The following LDHAL6A variants were observed in gnomAD, a reference collection of about 807,000 sequenced individuals.
LDHAL6A encodes the protein L-lactate dehydrogenase A-like 6A.
Under a neutral mutation model 28.2 loss-of-function variants are expected in LDHAL6A, and 19 were observed. The observed-to-expected ratio is 0.67, with a 90% CI of 0.47 to 0.99. The LOEUF is 0.99. Ranked by LOEUF, LDHAL6A falls within the 50% of genes least tolerant of loss-of-function variation. The pLI is 0.00. For synonymous variants in LDHAL6A, 144 were observed against 134.4 expected, an observed-to-expected ratio of 1.07 and a Z score of -0.49; for missense variants, 372 against 398.6, an observed-to-expected ratio of 0.93 and a Z score of 0.57.
chr11:18,469,869 T>C (rs1392942667), intron 3 of LDHAL6A, among the ~76,000 whole-genome samples: 2 of 152,190 alleles, frequency 1.3e-5, no homozygotes, highest in Non-Finnish European at 2.9e-5. Flanking sequence ...AACTTTAAAT[T>C]AGTATTAAGC....
At position 18,465,740 on chromosome 11, in the gene LDHAL6A, CT is replaced by C. The variant is rs1849054546; in HGVS notation, c.351del (p.Phe117LeufsTer3). On this transcript the variant is annotated frameshift_variant, in exon 3 of 7. Transcript: ENST00000280706. LOFTEE classifies it high-confidence loss of function. ...LDLVQRNVSI[F>X]KLMIPNITQY... The stretch of plus-strand genomic sequence containing the variant: ...ATTTAGTCCAGCGAAATGTATCCAT[CT>C]TTAAATTAATGATTCCCAATATTAC... 1.9e-6 allele frequency: 3 copies of C among 1,613,684 alleles called. No homozygotes were observed. The East Asian group carries it at 6.7e-5, about 36-fold the overall frequency.
chr11:18,469,932 T>A (rs1343864582), intron 3 of LDHAL6A, among the ~76,000 whole-genome samples: 1 of 152,026 alleles, frequency 6.6e-6, no homozygotes, highest in African/African-American at 2.4e-5. Context: ...GAATGATAAT[T>A]TTATTTATTT....
chr11:18,465,851 G>A, intron 3 of LDHAL6A, 41 bp downstream of exon 3: 2 of 1,508,912 alleles, frequency 1.3e-6, no homozygotes, highest in Non-Finnish European at 1.8e-6. Context: ...TTAGATTCGG[G>A]GGTACACTGT....
intron 1 of LDHAL6A, among the ~76,000 whole-genome samples, chr11:18,460,526 G>C (rs981162287): frequency 6.7e-6 from 1 of 150,058 alleles, no homozygotes; most frequent in Non-Finnish European, 1.5e-5. Context: ...CCGGGAGGCA[G>C]AGGTTGCAGT....
chr11:18,464,971 T>C (rs1308832195), intron 2 of LDHAL6A, among the ~76,000 whole-genome samples: 1 of 6,746 alleles, frequency 1.5e-4, no homozygotes. Flanking sequence ...GTGAGGTGTT[T>C]TTTTTGTTTT....
intron 4 of LDHAL6A, among the ~76,000 whole-genome samples, chr11:18,476,056 C>A (rs193022713): frequency 6.6e-6 from 1 of 152,054 alleles, no homozygotes; most frequent in African/African-American, 2.4e-5. Context: ...TTTTGTCCCC[C>A]CTTAGTGTCT....
At position 18,467,926 on chromosome 11, in the gene LDHAL6A, CATATATAT is replaced by C. The variant is rs1292809923; in HGVS notation, c.418+2120_418+2127del. 1.1e-3 allele frequency among the ~76,000 whole-genome samples: 63 copies of C among 55,398 alleles called. 2 individuals carry two copies. In the East Asian group the frequency reaches 0.016, roughly 14 times the overall value. 36.3% of individuals were successfully genotyped at this position (55,398 alleles called of 152,430 possible). A position where few individuals can be genotyped will look rare whatever the true frequency, so the allele number is the denominator to read the frequency against. On this transcript the variant is annotated intron_variant, in intron 3 of 6. Coordinates refer to ENST00000280706, the MANE Select transcript of LDHAL6A (RefSeq NM_144972.5). ...ATATATATATATATATATACACACA[CATATATAT>C]ATACACACACATATATATATACGTA...
chr11:18,476,329 C>A, intron 4 of LDHAL6A, 55 bp from the exon 5 acceptor site: 3 of 1,560,132 alleles, frequency 1.9e-6, no homozygotes, highest in South Asian at 2.4e-5. Context: ...AGGTCAAAAA[C>A]CAAAACCCTG....
chr11:18,458,491 A>G (rs1205382426), intron 1 of LDHAL6A, among the ~76,000 whole-genome samples: 2 of 152,324 alleles, frequency 1.3e-5, no homozygotes, highest in Middle Eastern at 3.4e-3. Flanking sequence ...GTTGCTAACT[A>G]TGGCATTTGT....
In LDHAL6A at chr11:18,465,707, ACG is replaced by A. The variant is rs1431273341; in HGVS notation, c.317_318del (p.Arg106ProfsTer2). On this transcript the variant is annotated frameshift_variant, in exon 3 of 7. Coordinates refer to ENST00000280706, the MANE Select transcript of LDHAL6A (RefSeq NM_144972.5). LOFTEE classifies it high-confidence loss of function. The part of the protein sequence containing the change: ...AGARQKKGET[R>X]LDLVQRNVSI... ...GTGCACGCCAGAAAAAAGGAGAAAC[ACG>A]CCTTGATTTAGTCCAGCGAAATGTA... 2 of 1,613,812 alleles carry A rather than the reference ACG, an allele frequency of 1.2e-6. No individual in the cohort carries two copies. Among genetic ancestry groups the A allele is most frequent in the Non-Finnish European group, 1.7e-6 (2 of 1,179,844 alleles).
intron 1 of LDHAL6A, among the ~76,000 whole-genome samples, chr11:18,460,862 A>G (rs1848883788): frequency 6.6e-6 from 1 of 152,026 alleles, no homozygotes; most frequent in Non-Finnish European, 1.5e-5. Context: ...TCTGAGAGGG[A>G]GTCTCACTCT....
intron 5 of LDHAL6A, among the ~76,000 whole-genome samples, chr11:18,477,225 A>T (rs1849405774): frequency 6.8e-6 from 1 of 148,008 alleles, no homozygotes; most frequent in African/African-American, 2.5e-5. Flanking sequence ...TTGGGAGACC[A>T]GGGTAGGTGG....
At chr11:18,456,882 G>A in intron 1 of LDHAL6A, 76 bp downstream of exon 1, 3 of 1,492,556 alleles carry the variant, frequency 2.0e-6, no homozygotes, top group Non-Finnish European at 1.8e-6. Flanking sequence ...TGGAGGTTGT[G>A]TCCAGTTCAA....
At position 18,478,809 on chromosome 11, in the gene LDHAL6A, A is replaced by C. The variant is rs1219811741; in HGVS notation, c.938A>C (p.Glu313Ala). The change falls in exon 7 of 7, where the codon GAG becomes GCG. Residue 313 changes from glutamate to alanine, a missense_variant. By Grantham distance (107) the Glu-to-Ala change is moderately radical. Transcript: ENST00000280706. Reference protein sequence around the residue: ...LIKVKLTLEEEACLQKSAETL... With the variant: ...LIKVKLTLEEAACLQKSAETL... Reference sequence around the variant, plus strand: ...AAAGTAAAACTGACTCTTGAAGAGGAGGCCTGCTTGCAAAAGAGTGCAGAA... The same window carrying C: ...AAAGTAAAACTGACTCTTGAAGAGGCGGCCTGCTTGCAAAAGAGTGCAGAA... 1.9e-6 allele frequency: 3 copies of C among 1,613,954 alleles called. No homozygotes were observed. The East Asian group carries it at 6.7e-5, about 36-fold the overall frequency.
chr11:18,460,725 A>G (rs1848876738), intron 1 of LDHAL6A, among the ~76,000 whole-genome samples: 1 of 152,114 alleles, frequency 6.6e-6, no homozygotes. Flanking sequence ...GTGCCACTGT[A>G]CTCCAGCTTG....
intron 3 of LDHAL6A, among the ~76,000 whole-genome samples, chr11:18,470,613 TATG>T (rs1241043523): frequency 3.3e-5 from 5 of 152,216 alleles, no homozygotes; most frequent in Non-Finnish European, 7.3e-5. Flanking sequence ...TATTAATAGT[TATG>T]ATGATTGTGG....
At chr11:18,476,336 C>G (rs979827555) in intron 4 of LDHAL6A, 48 bp from the exon 5 acceptor site, 3 of 1,562,828 alleles carry the variant, frequency 1.9e-6, no homozygotes, top group South Asian at 2.4e-5. Context: ...AAACCAAAAC[C>G]CTGCTAATAC....
At chr11:18,468,920 ATTTCCTCTTTTAAGAG>A in intron 3 of LDHAL6A, 1 of 333,598 alleles carries the variant, frequency 3.0e-6, no homozygotes, top group East Asian at 4.7e-5. Flanking sequence ...TGGTATAAGC[ATTTCCTCTTTTAAGAG>A]TTTGATTCTT....
At position 18,456,795 on chromosome 11, in the gene LDHAL6A, A is replaced by C; in HGVS notation, c.115A>C (p.Ile39Leu). ...GSVGVACAISILLKGLSDELV... is the reference protein window; with the variant it reads ...GSVGVACAISLLLKGLSDELV... The stretch of plus-strand genomic sequence containing the variant: ...GGTTGGTGTGGCTTGTGCTATCAGC[A>C]TCTTATTAAAAGTAAGTTGTGTGCT... Residue 39 changes from isoleucine (I) to leucine (L), a missense_variant, in exon 1 of 7, where the codon ATC (isoleucine) becomes CTC (leucine). Physicochemically the swap from Ile to Leu is conservative, Grantham distance 5. Around this residue, in one of 3 missense-constraint regions of LDHAL6A, gnomAD observed 77 missense variants for 77.9 expected, o/e 0.99. Coordinates refer to ENST00000280706, the MANE Select transcript of LDHAL6A (RefSeq NM_144972.5). The C allele has an allele frequency of 8.7e-6, 14 of 1,612,696 alleles. No homozygotes were observed. Among genetic ancestry groups the C allele is most frequent in the Non-Finnish European group, 1.1e-5 (13 of 1,179,702 alleles).
Sources: allele counts gnomAD v4.1 joint callset (sites outside exome capture counted in the v4.1 genomes callset), GRCh38; gene constraint gnomAD v4.1.1; regional missense constraint gnomAD v4.1.1; transcripts MANE v1.5; gene names NCBI Gene and HGNC (gene_info 2026-07-23, HGNC 2026-07-21).